MROH2A: variants seen among roughly 807,000 people sequenced by gnomAD.
MROH2A encodes the protein maestro heat like repeat family member 2A, also known as maestro heat-like repeat-containing protein family member 2A.
Under a neutral mutation model 200.4 loss-of-function variants are expected in MROH2A, and 174 were observed. That is an observed-to-expected ratio of 0.87 (90% CI 0.77 to 0.98). The LOEUF is 0.98. MROH2A is among the 50% of genes least tolerant of loss of function. The pLI, the probability that MROH2A is intolerant of heterozygous loss-of-function variation, is 0.00. For synonymous variants in MROH2A, 829 were observed against 840.4 expected (o/e 0.99, Z 0.23); for missense variants, 2,045 against 2,139.6 (o/e 0.96, Z 0.87).
intron 1 of MROH2A, among the ~76,000 whole-genome samples, chr2:233,778,925 C>A (rs1019728483): frequency 1.3e-5 from 2 of 152,188 alleles, no homozygotes; most frequent in Non-Finnish European, 2.9e-5. Flanking sequence ...AGACTGCAGT[C>A]CTTTCTGGAG....
At chr2:233,777,512 G>T (rs559489889), upstream of MROH2A, among the ~76,000 whole-genome samples, 13 of 152,210 alleles carry the variant, frequency 8.5e-5, no homozygotes, top group Non-Finnish European at 2.9e-5. Context: ...AAGGAATAAC[G>T]CAGGAATTTT....
Position 233,814,571 on chromosome 2 carries a change from C to G in MROH2A, c.2761-11C>G. 6.5e-7 allele frequency: 1 copy of G among 1,547,956 alleles called. No homozygotes were observed. On this transcript the variant is annotated splice_polypyrimidine_tract_variant and intron_variant, in intron 25 of 41. Transcript: ENST00000389758. ...CATTGCCGCCTATCTCTCTCTCCCTCTTGGCTGTAGACCCTGTATGCAAAT... is the reference window on the plus strand; with the variant it reads ...CATTGCCGCCTATCTCTCTCTCCCTGTTGGCTGTAGACCCTGTATGCAAAT...
intron 3 of MROH2A, among the ~76,000 whole-genome samples, chr2:233,784,922 C>T (rs184437856): frequency 5.9e-5 from 9 of 152,112 alleles, no homozygotes; most frequent in East Asian, 3.9e-4. Flanking sequence ...CCAAGGCGGG[C>T]GGATCACGAG....
In MROH2A at chr2:233,833,144, AG is replaced by A. The variant is rs756093508; in HGVS notation, c.4912del (p.Glu1638AsnfsTer45). ...LDFPALRNSL[Q>X]ELQLDPDPGV... ...TCTTTGTGTTCTCTCTCAGCCCTCC[AG>A]GAACTACAGCTGGACCCGGATCCCG... On this transcript the variant is annotated frameshift_variant, in exon 42 of 42. Transcript: ENST00000389758. LOFTEE classifies it high-confidence loss of function. 7.3e-5 allele frequency: 113 copies of A among 1,545,750 alleles called. No homozygotes were observed. In the South Asian group the frequency reaches 1.3e-3, roughly 17 times the overall value.
chr2:233,810,863 G>A lies in MROH2A; in HGVS notation c.2518G>A (p.Asp840Asn). 6.4e-7 allele frequency: 1 copy of A among 1,550,426 alleles called. No individual in the cohort carries two copies. The highest frequency in any genetic ancestry group is 8.7e-7 in the Non-Finnish European group (1 of 1,146,916). ...TACCAAGGCCATCAACAACATCAAG[G>A]ACCTGGAGGACTTTCACTTTGCCCA... is the stretch of plus-strand genomic sequence containing the variant. ...QVTKAINNIKDLEDFHFAQKT... is the reference protein window; with the variant it reads ...QVTKAINNIKNLEDFHFAQKT... Residue 840 changes from aspartate to asparagine, a missense_variant, in exon 23 of 42, where the codon GAC (aspartate) becomes AAC (asparagine). Physicochemically the swap from Asp to Asn is conservative, Grantham distance 23 (BLOSUM62 1). Around this residue, in one of 3 missense-constraint regions of MROH2A, gnomAD observed 1,201 missense variants for 1,311.3 expected, o/e 0.92. Transcript: ENST00000389758.
rs1553635670 is a variant in MROH2A, at chr2:233,807,627, T to TGTGTGTGTGTGTGTAC, written c.2172+86_2173-90dup. On this transcript the variant is annotated intron_variant, in intron 20 of 41. Coordinates refer to ENST00000389758, the MANE Select transcript of MROH2A (RefSeq NM_001394639.1). This position sits in a 1 kb window ranked among gnomAD's most constrained non-coding sequence, Gnocchi z 4.3. The stretch of plus-strand genomic sequence containing the variant: ...TGTGTTCATGTGGCTGCATGCGTTT[T>TGTGTGTGTGTGTGTAC]GTGTGTGTGTGTGTACATGTGTGTG... 1.5e-6 allele frequency: 2 copies of TGTGTGTGTGTGTGTAC among 1,308,282 alleles called. No homozygotes were observed. The highest frequency in any genetic ancestry group is 3.5e-5 in the African/African-American group (2 of 57,276). The allele number at this position is 1,308,282 out of a possible 1,614,324, so 81.0% of individuals were successfully genotyped here. A position where few individuals can be genotyped will look rare whatever the true frequency, so the allele number is the denominator to read the frequency against.
intron 28 of MROH2A, among the ~76,000 whole-genome samples, chr2:233,818,395 C>A (rs1328252361): frequency 8.5e-5 from 13 of 152,110 alleles, no homozygotes; most frequent in Non-Finnish European, 1.8e-4. Flanking sequence ...AAAGTCAGCT[C>A]CCAGATGCCA....
chr2:233,812,407 AG>A (rs1703218816), intron 24 of MROH2A, among the ~76,000 whole-genome samples: 1 of 152,156 alleles, frequency 6.6e-6, no homozygotes, highest in African/African-American at 2.4e-5. Flanking sequence ...ATTGGTGGGG[AG>A]GGGGAAAGGG....
intron 27 of MROH2A, among the ~76,000 whole-genome samples, chr2:233,817,322 A>G (rs977025629): frequency 2.0e-5 from 3 of 152,120 alleles, no homozygotes; most frequent in African/African-American, 7.2e-5. Context: ...AATTGTCTAC[A>G]CTTTTTGGCT....
At chr2:233,795,517 G>A in intron 8 of MROH2A, 136 bp from the exon 9 acceptor site, 1 of 1,365,076 alleles carries the variant, frequency 7.3e-7, no homozygotes, top group Non-Finnish European at 1.0e-6. Flanking sequence ...GGTAGGGCCT[G>A]AGAGTCTGCA....
In MROH2A at chr2:233,823,544, T is replaced by C; in HGVS notation, c.4005-12T>C. On this transcript the variant is annotated splice_polypyrimidine_tract_variant and intron_variant, in intron 34 of 41. Transcript: ENST00000389758. ...GCCGCCTCCACGACCTGGCACTGTC[T>C]CTCCTCTGCAGGCTGTGCATGCAGC... 1 of 1,548,710 alleles carries C rather than the reference T, an allele frequency of 6.5e-7. No homozygotes were observed. Among genetic ancestry groups the C allele is most frequent in the Non-Finnish European group, 8.7e-7 (1 of 1,146,184 alleles).
intron 22 of MROH2A, 65 bp from the exon 23 acceptor site, chr2:233,810,729 C>A: frequency 6.5e-7 from 1 of 1,530,280 alleles, no homozygotes; most frequent in Non-Finnish European, 8.8e-7. Context: ...GCAGAAGCTG[C>A]AGCTTGGATT....
chr2:233,825,894 A>G (rs1009094678), intron 35 of MROH2A, among the ~76,000 whole-genome samples: 3 of 143,946 alleles, frequency 2.1e-5, no homozygotes, highest in Non-Finnish European at 3.0e-5. Context: ...AAGAAATGGT[A>G]TAAACACCTC....
intron 3 of MROH2A, among the ~76,000 whole-genome samples, chr2:233,785,330 G>C (rs1008929407): frequency 6.6e-6 from 1 of 151,978 alleles, no homozygotes; most frequent in Non-Finnish European, 1.5e-5. Flanking sequence ...GGGTATGGTG[G>C]CACCTGTCTG....
rs1299078912 is a variant in MROH2A, at chr2:233,787,588, TA to T, written c.277-1908del. ...ATATATTATATATATCATATATACA[TA>T]TATATATTATATATTATATATATCA... On this transcript the variant is annotated intron_variant, in intron 3 of 41. Transcript: ENST00000389758. Among the ~76,000 whole-genome samples, 198 of 20,138 alleles carry T rather than the reference TA, an allele frequency of 9.8e-3. 47 individuals are homozygous for T. Among genetic ancestry groups the T allele is most frequent in the Admixed American group, 0.093 (127 of 1,370 alleles). The allele number at this position is 20,138 out of a possible 152,430, so 13.2% of individuals were successfully genotyped here.
Position 233,796,021 on chromosome 2 carries a change from A to T in MROH2A, c.1114A>T (p.Met372Leu). 6.4e-7 allele frequency: 1 copy of T among 1,550,526 alleles called. No homozygotes were observed. Among genetic ancestry groups the T allele is most frequent in the Non-Finnish European group, 8.7e-7 (1 of 1,146,946 alleles). Residue 372 changes from methionine (M) to leucine (L), a missense_variant, in exon 10 of 42, where the codon ATG becomes TTG. Physicochemically the swap from Met to Leu is conservative, Grantham distance 15. Coordinates refer to ENST00000389758, the MANE Select transcript of MROH2A (RefSeq NM_001394639.1). ...HQYSSQNLME[M>L]VHCFVALARS... is the part of the protein sequence containing the mutation. ...GTACAGCAGCCAGAATCTGATGGAG[A>T]TGGTGCACTGCTTCGTAGCCCTTGG...
At chr2:233,804,942 C>A in intron 18 of MROH2A, 62 bp from the exon 19 acceptor site, 1 of 957,584 alleles carries the variant, frequency 1.0e-6, no homozygotes, top group Non-Finnish European at 1.6e-6. Flanking sequence ...ATTCCCAGAG[C>A]CCAGGCAAGA....
chr2:233,780,598 T>G (rs1700910825), intron 3 of MROH2A, among the ~76,000 whole-genome samples: 1 of 152,204 alleles, frequency 6.6e-6, no homozygotes, highest in Admixed American at 6.5e-5. Flanking sequence ...CCTTTTATTT[T>G]TAGTTGACAC....
chr2:233,795,833 C>T, intron 9 of MROH2A, 88 bp downstream of exon 9: 1 of 1,547,130 alleles, frequency 6.5e-7, no homozygotes, highest in Admixed American at 2.0e-5. Context: ...GCCCACAACT[C>T]ACTCGCGTGC....
Sources: allele counts gnomAD v4.1 joint callset (sites outside exome capture counted in the v4.1 genomes callset), GRCh38; gene constraint gnomAD v4.1.1; regional missense constraint gnomAD v4.1.1; non-coding constraint Gnocchi (gnomAD v3.1); transcripts MANE v1.5; gene names NCBI Gene and HGNC (gene_info 2026-07-23, HGNC 2026-07-21).